The following KIT variants were observed in gnomAD, a reference collection of about 807,000 sequenced individuals.
The protein encoded by KIT is KIT proto-oncogene, receptor tyrosine kinase.
Under a neutral mutation model 105.7 loss-of-function variants are expected in KIT, and 16 were observed. The observed-to-expected ratio is 0.15, with a 90% CI of 0.10 to 0.23. KIT has a LOEUF of 0.23. Among genes scored for constraint, KIT ranks in the 10% least tolerant of loss-of-function variants. KIT has a pLI of 1.00. For synonymous variants in KIT, 438 were observed against 441.1 expected (o/e 0.99, Z 0.09); for missense variants, 858 against 1,213.8 (o/e 0.71, Z 4.36).
chr4:54,675,917 C>T (rs920848430), intron 1 of KIT, among the ~76,000 whole-genome samples: 1 of 152,208 alleles, frequency 6.6e-6, no homozygotes, highest in South Asian at 2.1e-4. Context: ...TCTGGAGTCC[C>T]GTAGCTGTGA....
intron 7 of KIT, among the ~76,000 whole-genome samples, chr4:54,717,193 A>C (rs1721560373): frequency 6.6e-6 from 1 of 152,212 alleles, no homozygotes; most frequent in African/African-American, 2.4e-5. Context: ...AATTGGAAAA[A>C]AAAAGATATA....
At chr4:54,720,317 A>G (rs1434314285) in intron 7 of KIT, among the ~76,000 whole-genome samples, 1 of 152,204 alleles carries the variant, frequency 6.6e-6, no homozygotes, top group Non-Finnish European at 1.5e-5. Context: ...GCCTCAGGTT[A>G]TGACCCACCT....
At position 54,703,784 on chromosome 4, in the gene KIT, G is replaced by A. The variant is rs769498440; in HGVS notation, c.817G>A (p.Ala273Thr). 6.2e-7 allele frequency: 1 copy of A among 1,613,480 alleles called. No homozygotes were observed. Among genetic ancestry groups the A allele is most frequent in the Non-Finnish European group, 8.5e-7 (1 of 1,179,506 alleles). The change falls in exon 5 of 21, where the codon GCA becomes ACA. Residue 273 changes from alanine to threonine, a missense_variant. This residue lies in a region of KIT where 401 missense variants were observed against 601.0 expected (regional missense o/e 0.67). Coordinates refer to ENST00000288135, the MANE Select transcript of KIT (RefSeq NM_000222.3). ...CGGTGACTTCAATTATGAACGTCAG[G>A]CAACGTTGACTATCAGTTCAGCGAG... Reference protein sequence around the residue: ...HHGDFNYERQATLTISSARVN... With the variant: ...HHGDFNYERQTTLTISSARVN...
chr4:54,704,026 A>T (rs565590554), intron 5 of KIT, 134 bp downstream of exon 5: 9 of 842,856 alleles, frequency 1.1e-5, no homozygotes, highest in Non-Finnish European at 1.8e-5. Flanking sequence ...AATGAAAATT[A>T]TCCTTGTAGC....
intron 4 of KIT, 31 bp from the exon 5 acceptor site, chr4:54,703,693 A>T (rs989062521): frequency 7.1e-6 from 11 of 1,560,130 alleles, no homozygotes; most frequent in Non-Finnish European, 8.8e-6. Flanking sequence ...GGTAATCTTC[A>T]TTTTTTTTTC....
intron 1 of KIT, among the ~76,000 whole-genome samples, chr4:54,665,945 T>C (rs1330457333): frequency 6.6e-6 from 1 of 152,174 alleles, no homozygotes; most frequent in Non-Finnish European, 1.5e-5. Context: ...AAGTAAGTTT[T>C]CATGAAAAGG....
chr4:54,721,333 C>T (rs781165579), intron 7 of KIT, among the ~76,000 whole-genome samples: 19 of 152,198 alleles, frequency 1.2e-4, no homozygotes, highest in Non-Finnish European at 2.1e-4. Context: ...CACCTAGAGT[C>T]CCTAGCAAAT....
Position 54,666,275 on chromosome 4 carries a change from GT to G in KIT, c.67+8202del, listed in dbSNP as rs942672141. On this transcript the variant is annotated intron_variant, in intron 1 of 20. Transcript: ENST00000288135. ...GAAAATTTTTTTGTTTTTGTTTTTT[GT>G]TTTTTTTGTTTTGTTTTGTTTTGAG... 2.6e-5 allele frequency among the ~76,000 whole-genome samples: 4 copies of G among 151,618 alleles called. No homozygotes were observed. In the South Asian group the frequency reaches 6.3e-4, roughly 24 times the overall value.
At chr4:54,705,224 C>A (rs1720714248) in intron 5 of KIT, among the ~76,000 whole-genome samples, 1 of 152,160 alleles carries the variant, frequency 6.6e-6, no homozygotes, top group Non-Finnish European at 1.5e-5. Flanking sequence ...ATCCATTCAT[C>A]AATTTCCAAG....
intron 1 of KIT, among the ~76,000 whole-genome samples, chr4:54,691,939 AACTCTT>A (rs1719740677): frequency 6.6e-6 from 1 of 152,054 alleles, no homozygotes; most frequent in Non-Finnish European, 1.5e-5. Context: ...AGATGATGGA[AACTCTT>A]CCCATACATA....
At chr4:54,732,958 A>T in intron 16 of KIT, 112 bp from the exon 17 acceptor site, 1 of 886,596 alleles carries the variant, frequency 1.1e-6, no homozygotes, top group Non-Finnish European at 1.8e-6. Context: ...TTAAAACAAA[A>T]GTATTGGATT....
chr4:54,677,097 A>G (rs1390800750), intron 1 of KIT, among the ~76,000 whole-genome samples: 1 of 152,084 alleles, frequency 6.6e-6, no homozygotes, highest in African/African-American at 2.4e-5. Context: ...TGCCCTCTTG[A>G]CTGTCCCAAG....
At chr4:54,728,951 T>G (rs1722412462) in intron 13 of KIT, among the ~76,000 whole-genome samples, 1 of 152,200 alleles carries the variant, frequency 6.6e-6, no homozygotes, top group Non-Finnish European at 1.5e-5. Flanking sequence ...TGTGCCTTCA[T>G]TATTTCCATA....
rs185951876 is a variant in KIT at position 54,706,729 on chromosome 4, C to T, written c.926-369C>T. On this transcript the variant is annotated intron_variant, in intron 5 of 20. Coordinates refer to ENST00000288135, the MANE Select transcript of KIT (RefSeq NM_000222.3). Reference sequence around the variant, plus strand: ...TCCCTTGTTTTCCCTTAATTTATGACACCTTATCACATATATAATTATATA... The same window carrying T: ...TCCCTTGTTTTCCCTTAATTTATGATACCTTATCACATATATAATTATATA... Among the ~76,000 whole-genome samples the T allele has an allele frequency of 4.6e-5, 7 of 152,180 alleles. No individual in the cohort carries two copies. The East Asian group carries it at 1.3e-3, about 29-fold the overall frequency.
intron 7 of KIT, among the ~76,000 whole-genome samples, chr4:54,713,058 TTGATTTTTTTTAATTGAAAAAAAATC>T (rs2109727889): frequency 7.9e-6 from 1 of 126,108 alleles, no homozygotes; most frequent in Admixed American, 8.6e-5. Flanking sequence ...AGCTGATTTG[TTGATTTTTTTTAATTGAAAAAAAATC>T]TAGTTAACAT....
intron 1 of KIT, among the ~76,000 whole-genome samples, chr4:54,685,814 C>G (rs538833306): frequency 6.6e-6 from 1 of 152,244 alleles, no homozygotes; most frequent in African/African-American, 2.4e-5. Flanking sequence ...TTCTCCTCTT[C>G]TACCCCTCAG....
intron 7 of KIT, among the ~76,000 whole-genome samples, chr4:54,716,758 A>G (rs1721526321): frequency 6.6e-6 from 1 of 152,172 alleles, no homozygotes; most frequent in Admixed American, 6.5e-5. Flanking sequence ...TAAAGTTTAT[A>G]ATTATCGTGT....
intron 1 of KIT, among the ~76,000 whole-genome samples, chr4:54,660,474 T>G (rs1717174134): frequency 6.6e-6 from 1 of 152,156 alleles, no homozygotes; most frequent in Non-Finnish European, 1.5e-5. Flanking sequence ...TTATCCCTAT[T>G]CTGTTTTTTC....
intron 1 of KIT, among the ~76,000 whole-genome samples, chr4:54,692,308 T>C (rs934549909): frequency 6.6e-6 from 1 of 152,204 alleles, no homozygotes; most frequent in African/African-American, 2.4e-5. Flanking sequence ...TTAATCTCCT[T>C]ACATGTGTTA....
Sources: allele counts gnomAD v4.1 joint callset (sites outside exome capture counted in the v4.1 genomes callset), GRCh38; gene constraint gnomAD v4.1.1; regional missense constraint gnomAD v4.1.1; transcripts MANE v1.5; gene names NCBI Gene and HGNC (gene_info 2026-07-23, HGNC 2026-07-21).